The following RFX3 variants were observed in gnomAD, a reference collection of about 807,000 sequenced individuals.
RFX3 encodes the protein transcription factor RFX3.
Under a neutral mutation model 98.6 loss-of-function variants are expected in RFX3, and 14 were observed. The observed-to-expected ratio is 0.14, with a 90% CI of 0.09 to 0.22. The LOEUF is 0.22. RFX3 is among the 10% of genes least tolerant of loss of function. RFX3 has a pLI of 1.00. For missense variants in RFX3, 639 were observed against 926.9 expected (o/e 0.69, Z 4.03); for synonymous variants, 383 against 328.4 (o/e 1.17, Z -1.80).
chr9:3,301,709 C>G, intron 4 of RFX3, 89 bp from the exon 5 acceptor site: 1 of 873,942 alleles, frequency 1.1e-6, no homozygotes, highest in Non-Finnish European at 1.8e-6. Context: ...CTTTAAAGTC[C>G]AACTTCTTCC....
At chr9:3,405,460 A>C (rs1841869164) in intron 1 of RFX3, among the ~76,000 whole-genome samples, 1 of 152,196 alleles carries the variant, frequency 6.6e-6, no homozygotes, top group Non-Finnish European at 1.5e-5. Context: ...ACCTGTTCAC[A>C]TGAAATCATC....
rs552639647 is a variant in RFX3 at position 3,499,737 on chromosome 9, T to C, written c.-9+26010A>G. ...TATTTGGAGACCAAGATAAAGGTGT[T>C]CTATCATAAAATACCAAAGACCACA... On this transcript the variant is annotated intron_variant, in intron 1 of 16. Coordinates refer to ENST00000617270, the MANE Select transcript of RFX3 (RefSeq NM_001282116.2). Among the ~76,000 whole-genome samples the C allele has an allele frequency of 5.9e-5, 9 of 152,204 alleles. No individual in the cohort carries two copies. In the South Asian group the frequency reaches 1.7e-3, roughly 28 times the overall value.
chr9:3,482,064 G>C (rs1008983220), intron 1 of RFX3, among the ~76,000 whole-genome samples: 1 of 151,648 alleles, frequency 6.6e-6, no homozygotes, highest in African/African-American at 2.4e-5. Context: ...AAAATAATTG[G>C]ACAGCTACAC....
At chr9:3,443,800 G>A (rs1431007824) in intron 1 of RFX3, among the ~76,000 whole-genome samples, 1 of 152,102 alleles carries the variant, frequency 6.6e-6, no homozygotes, top group Admixed American at 6.6e-5. Context: ...CACAATGGTT[G>A]AACTAATTTA....
chr9:3,480,256 T>C (rs1184958259), intron 1 of RFX3, among the ~76,000 whole-genome samples: 2 of 152,234 alleles, frequency 1.3e-5, no homozygotes, highest in Non-Finnish European at 2.9e-5. Flanking sequence ...GCTAGGATAC[T>C]AGCATGGCTA....
chr9:3,495,776 T>C (rs1313836892), intron 1 of RFX3, among the ~76,000 whole-genome samples: 1 of 152,060 alleles, frequency 6.6e-6, no homozygotes, highest in Non-Finnish European at 1.5e-5. Context: ...CCTCAAAGAA[T>C]TGAAATAGGA....
chr9:3,525,317 C>G (rs1227595675), intron 1 of RFX3, among the ~76,000 whole-genome samples: 1 of 152,222 alleles, frequency 6.6e-6, no homozygotes, highest in Non-Finnish European at 1.5e-5. Flanking sequence ...CAGGAAACAG[C>G]AGCGTTGGAA....
intron 1 of RFX3, among the ~76,000 whole-genome samples, chr9:3,455,866 A>G (rs1163586560): frequency 6.6e-6 from 1 of 152,234 alleles, no homozygotes; most frequent in Non-Finnish European, 1.5e-5. Context: ...CATTCCAAGT[A>G]CTTCGCTTCT....
intron 1 of RFX3, among the ~76,000 whole-genome samples, chr9:3,506,083 G>T (rs917470190): frequency 2.0e-5 from 3 of 151,692 alleles, no homozygotes; most frequent in Admixed American, 6.6e-5. Context: ...CTTAAGTCTG[G>T]AAAGAGGTTA....
rs1254085736 is a variant in RFX3 at position 3,439,782 on chromosome 9, A to G, written c.-8-44186T>C. ...AGAATACTTCCCAACCTAGGCTATG[A>G]GACCAGCATTACTTTAATACACATG... On this transcript the variant is annotated intron_variant, in intron 1 of 16. Transcript: ENST00000617270. Among the ~76,000 whole-genome samples, 3 of 152,014 alleles carry G rather than the reference A, an allele frequency of 2.0e-5. No homozygotes were observed. In the East Asian group the frequency reaches 5.8e-4, roughly 29 times the overall value.
At chr9:3,334,866 T>G (rs1262167893) in intron 3 of RFX3, among the ~76,000 whole-genome samples, 2 of 152,084 alleles carry the variant, frequency 1.3e-5, no homozygotes, top group African/African-American at 4.8e-5. Flanking sequence ...ATGCCCATAA[T>G]CCCAGCACTT....
At chr9:3,303,149 T>C (rs1828867404) in intron 4 of RFX3, among the ~76,000 whole-genome samples, 1 of 151,868 alleles carries the variant, frequency 6.6e-6, no homozygotes, top group African/African-American at 2.4e-5. Flanking sequence ...CCAGAATGGA[T>C]GTTAATGCAG....
chr9:3,514,296 TG>T (rs917923186), intron 1 of RFX3, among the ~76,000 whole-genome samples: 1 of 152,218 alleles, frequency 6.6e-6, no homozygotes, highest in African/African-American at 2.4e-5. Flanking sequence ...CAGTATTGAT[TG>T]TTCTACAACA....
intron 1 of RFX3, among the ~76,000 whole-genome samples, chr9:3,431,277 C>G (rs1382078652): frequency 2.0e-5 from 3 of 152,056 alleles, no homozygotes; most frequent in Non-Finnish European, 4.4e-5. Context: ...GGAATAACAC[C>G]ATGGGTCCCA....
chr9:3,227,252 C>T (rs1178510243), intron 16 of RFX3, among the ~76,000 whole-genome samples: 1 of 152,170 alleles, frequency 6.6e-6, no homozygotes, highest in Non-Finnish European at 1.5e-5. Context: ...GAAAGTTCCT[C>T]TGTCTATTTT....
chr9:3,284,582 G>C (rs1456778319), intron 7 of RFX3, among the ~76,000 whole-genome samples: 1 of 151,518 alleles, frequency 6.6e-6, no homozygotes, highest in African/African-American at 2.4e-5. Context: ...TTGTTATATT[G>C]TGTTAGGCTA....
chr9:3,404,926 G>A (rs1283507194), intron 1 of RFX3, among the ~76,000 whole-genome samples: 2 of 152,098 alleles, frequency 1.3e-5, no homozygotes, highest in African/African-American at 2.4e-5. Flanking sequence ...CTCAACTGCT[G>A]ACACTTTGTT....
At chr9:3,455,505 C>T (rs1847071841) in intron 1 of RFX3, among the ~76,000 whole-genome samples, 1 of 152,146 alleles carries the variant, frequency 6.6e-6, no homozygotes, top group South Asian at 2.1e-4. Context: ...TGGTTAATGT[C>T]TACCTTTTCC....
At chr9:3,228,785 C>A in intron 16 of RFX3, 62 bp downstream of exon 16, 1 of 1,374,090 alleles carries the variant, frequency 7.3e-7, no homozygotes, top group South Asian at 1.3e-5. Flanking sequence ...ACCGTATTTT[C>A]CTCTGTAAGA....
Sources: gnomAD v4.1 joint callset for allele counts (sites outside exome capture counted in the v4.1 genomes callset) on GRCh38, gnomAD v4.1.1 for gene constraint, MANE v1.5 for transcripts, NCBI Gene and HGNC (gene_info 2026-07-23, HGNC 2026-07-21) for gene names.